MPHOSPH9: variants seen among roughly 807,000 people sequenced by gnomAD.
The protein encoded by MPHOSPH9 is M-phase phosphoprotein 9.
In MPHOSPH9, 88 loss-of-function variants were observed where a neutral mutation model predicts 145.5. The ratio of observed to expected loss-of-function variants is 0.60; its 90% CI spans 0.51 to 0.72. The LOEUF (loss-of-function observed/expected upper bound fraction) is 0.72. Among genes scored for constraint, MPHOSPH9 ranks in the 30% least tolerant of loss-of-function variants. The pLI, the probability that MPHOSPH9 is intolerant of heterozygous loss-of-function variation, is 0.00. For synonymous variants in MPHOSPH9, 435 were observed against 486.2 expected, an observed-to-expected ratio of 0.89 and a Z score of 1.39; for missense variants, 1,238 against 1,386.6, an observed-to-expected ratio of 0.89 and a Z score of 1.70.
intron 22 of MPHOSPH9, 85 bp from the exon 23 acceptor site, chr12:123,160,934 AT>A: frequency 6.9e-7 from 1 of 1,454,334 alleles, no homozygotes. Context: ...TTGGCTTAGT[AT>A]TTCCTTGTCC....
At chr12:123,220,521 C>A (rs996105048) in intron 5 of MPHOSPH9, among the ~76,000 whole-genome samples, 2 of 151,810 alleles carry the variant, frequency 1.3e-5, no homozygotes, top group Non-Finnish European at 1.5e-5. Flanking sequence ...GCTGAGATTG[C>A]GCCACTGCAC....
At chr12:123,194,766 G>A (rs932931666) in intron 12 of MPHOSPH9, among the ~76,000 whole-genome samples, 165 bp from the exon 13 acceptor site, 3 of 151,218 alleles carry the variant, frequency 2.0e-5, no homozygotes, top group South Asian at 2.1e-4. Flanking sequence ...GATTACAGGC[G>A]CCCACCATCA....
intron 12 of MPHOSPH9, among the ~76,000 whole-genome samples, chr12:123,196,561 G>A (rs1205294382): frequency 1.3e-5 from 2 of 151,986 alleles, no homozygotes; most frequent in African/African-American, 4.8e-5. Context: ...CATAACAAAG[G>A]TCTTTGTTCA....
At chr12:123,197,713 C>T (rs1272013420) in intron 12 of MPHOSPH9, among the ~76,000 whole-genome samples, 1 of 148,498 alleles carries the variant, frequency 6.7e-6, no homozygotes, top group Non-Finnish European at 1.5e-5. Context: ...ACCTGGGAGG[C>T]GAAGGTTGCA....
intron 12 of MPHOSPH9, among the ~76,000 whole-genome samples, chr12:123,197,739 G>A (rs1425768055): frequency 2.0e-5 from 3 of 148,052 alleles, no homozygotes; most frequent in Non-Finnish European, 4.4e-5. Context: ...CTGAGATCGC[G>A]CAACTGCACT....
intron 7 of MPHOSPH9, among the ~76,000 whole-genome samples, chr12:123,210,503 G>T (rs779581464): frequency 6.6e-6 from 1 of 151,958 alleles, no homozygotes; most frequent in Admixed American, 6.6e-5. Flanking sequence ...GACCAGCCTG[G>T]CCAACGTGGT....
chr12:123,198,964 G>A (rs1487300255), intron 11 of MPHOSPH9, among the ~76,000 whole-genome samples: 2 of 150,746 alleles, frequency 1.3e-5, no homozygotes, highest in Non-Finnish European at 3.0e-5. Context: ...ATTAAATTTG[G>A]ATTTGGGATT....
At chr12:123,234,652 C>T (rs2047809234), upstream of MPHOSPH9, among the ~76,000 whole-genome samples, 1 of 152,228 alleles carries the variant, frequency 6.6e-6, no homozygotes, top group African/African-American at 2.4e-5. Context: ...CTGCCTCGGC[C>T]ACCCAAAGTG....
intron 15 of MPHOSPH9, among the ~76,000 whole-genome samples, chr12:123,179,199 GAGAGGATCACT>G: frequency 6.6e-6 from 1 of 152,218 alleles, no homozygotes; most frequent in Middle Eastern, 3.4e-3. Context: ...TGGATGAGAC[GAGAGGATCACT>G]TGAGGTCGAG....
intron 14 of MPHOSPH9, among the ~76,000 whole-genome samples, chr12:123,180,336 T>C (rs1358201221): frequency 2.0e-5 from 3 of 152,174 alleles, no homozygotes; most frequent in Middle Eastern, 3.2e-3. Context: ...TGGGATCTGC[T>C]CCCGAACCCT....
chr12:123,190,055 T>C (rs2045609170), intron 13 of MPHOSPH9, among the ~76,000 whole-genome samples: 1 of 151,716 alleles, frequency 6.6e-6, no homozygotes, highest in African/African-American at 2.4e-5. Context: ...GACAAGGTAA[T>C]GATATTCACA....
At chr12:123,196,585 T>G (rs2045957190) in intron 12 of MPHOSPH9, among the ~76,000 whole-genome samples, 1 of 152,064 alleles carries the variant, frequency 6.6e-6, no homozygotes, top group African/African-American at 2.4e-5. Context: ...AGAAAAAAAG[T>G]TACCTGTAAA....
At chr12:123,216,038 T>C (rs2046942804) in intron 6 of MPHOSPH9, among the ~76,000 whole-genome samples, 1 of 151,956 alleles carries the variant, frequency 6.6e-6, no homozygotes, top group Non-Finnish European at 1.5e-5. Flanking sequence ...GAGATTGGGA[T>C]TATCCTGGCT....
intron 3 of MPHOSPH9, among the ~76,000 whole-genome samples, chr12:123,225,285 A>C (rs552576888): frequency 0.046 from 7,026 of 151,574 alleles, 302 homozygotes; most frequent in East Asian, 0.26. Flanking sequence ...CTCAACAAAA[A>C]ATGCAAAAAT....
At position 123,230,536 on chromosome 12, in the gene MPHOSPH9, G is replaced by A. The variant is rs1348819011; in HGVS notation, c.-158-14C>T. On this transcript the variant is annotated splice_polypyrimidine_tract_variant and intron_variant, in intron 1 of 23. Transcript: ENST00000606320. ...TTCCAAGAGAGTCTGAAAATGAATG[G>A]GGGAAAAAAATACTACTATAAAAAG... 2.2e-6 allele frequency: 1 copy of A among 447,580 alleles called. No individual in the cohort carries two copies. The highest frequency in any genetic ancestry group is 4.1e-5 in the Admixed American group (1 of 24,176). 27.7% of individuals were successfully genotyped at this position (447,580 alleles called of 1,614,324 possible).
At chr12:123,211,753 G>A (rs2046733559) in intron 7 of MPHOSPH9, among the ~76,000 whole-genome samples, 1 of 134,764 alleles carries the variant, frequency 7.4e-6, no homozygotes, top group Admixed American at 8.5e-5. Context: ...GAGTACAGTG[G>A]TGCAATCACA....
chr12:123,186,891 G>A (rs147551790), intron 13 of MPHOSPH9, among the ~76,000 whole-genome samples: 7,808 of 152,258 alleles, frequency 0.051, 259 homozygotes, highest in Middle Eastern at 0.12. Flanking sequence ...AACCCAGGAA[G>A]TGGAGGTTGC....
chr12:123,206,591 T>C (rs939302214), intron 8 of MPHOSPH9, among the ~76,000 whole-genome samples: 1 of 151,982 alleles, frequency 6.6e-6, no homozygotes, highest in African/African-American at 2.4e-5. Flanking sequence ...TTATTTCACT[T>C]ATGTTTTCCT....
intron 13 of MPHOSPH9, among the ~76,000 whole-genome samples, chr12:123,188,299 G>A (rs1177731909): frequency 6.6e-6 from 1 of 152,102 alleles, no homozygotes; most frequent in Non-Finnish European, 1.5e-5. Flanking sequence ...TACACTACTG[G>A]CAGGAAAATA....
Sources: allele counts gnomAD v4.1 joint callset (sites outside exome capture counted in the v4.1 genomes callset), GRCh38; gene constraint gnomAD v4.1.1; transcripts MANE v1.5; gene names NCBI Gene and HGNC (gene_info 2026-07-23, HGNC 2026-07-21).